The following RNLS variants were observed in gnomAD, a reference collection of about 807,000 sequenced individuals.
The protein encoded by RNLS is renalase, FAD dependent amine oxidase.
RNLS carries 39 observed loss-of-function variants against 39.8 expected under a neutral mutation model. That is an observed-to-expected ratio of 0.98 (90% CI 0.76 to 1.28). The LOEUF is 1.28. RNLS is among the 50% of genes most tolerant of loss of function. The probability of loss-of-function intolerance (pLI) is 0.00; values close to 1 mark genes in which losing one functional copy is unlikely to be tolerated. For synonymous variants in RNLS, 147 were observed against 150.7 expected (o/e 0.98, Z 0.18); for missense variants, 410 against 413.3 (o/e 0.99, Z 0.07).
the RNLS span, among the ~76,000 whole-genome samples, chr10:88,218,084 T>C: frequency 6.6e-6 from 1 of 152,224 alleles, no homozygotes; most frequent in East Asian, 1.9e-4. Context: ...CTCCCGATTT[T>C]CTGGTTTCTT....
chr10:88,438,645 A>T (rs1261842049), intron 4 of RNLS, among the ~76,000 whole-genome samples: 1 of 152,172 alleles, frequency 6.6e-6, no homozygotes, highest in Admixed American at 6.5e-5. Flanking sequence ...TGGGTGGGTG[A>T]TCTGAGTTTG....
rs114077138 is a variant in RNLS, at chr10:88,357,124, C to T, written c.700+5428G>A. On this transcript the variant is annotated intron_variant, in intron 5 of 6. Transcript: ENST00000331772. The stretch of plus-strand genomic sequence containing the variant: ...ACTGGAACTGTTAATTATAATAATA[C>T]GTACCATAAATACTTACTTTCTAAA... Among the ~76,000 whole-genome samples the T allele has an allele frequency of 5.0e-3, 757 of 152,274 alleles. 8 individuals are homozygous for T. The highest frequency in any genetic ancestry group is 0.017 in the African/African-American group (699 of 41,554).
chr10:88,255,335 T>C, the RNLS span, among the ~76,000 whole-genome samples: 1 of 152,230 alleles, frequency 6.6e-6, no homozygotes, highest in Non-Finnish European at 1.5e-5. Context: ...CCACAGTCTA[T>C]GGGCCTGTCT....
At chr10:88,499,851 T>A (rs186188113) in intron 4 of RNLS, among the ~76,000 whole-genome samples, 2 of 152,160 alleles carry the variant, frequency 1.3e-5, no homozygotes, top group Non-Finnish European at 2.9e-5. Context: ...GAAGTACATA[T>A]AAGAAATAGG....
At chr10:88,325,984 C>T (rs1410349429) in intron 5 of RNLS, among the ~76,000 whole-genome samples, 2 of 152,240 alleles carry the variant, frequency 1.3e-5, no homozygotes, top group Admixed American at 1.3e-4. Context: ...AAGGCCCAAG[C>T]TTGCTTCCTC....
intron 5 of RNLS, among the ~76,000 whole-genome samples, chr10:88,323,747 G>C (rs540649028): frequency 3.3e-5 from 5 of 152,088 alleles, no homozygotes; most frequent in South Asian, 2.1e-4. Flanking sequence ...AACAAAAACA[G>C]ACAAATGGGA....
At chr10:88,440,992 A>T (rs910134139) in intron 4 of RNLS, among the ~76,000 whole-genome samples, 8 of 152,208 alleles carry the variant, frequency 5.3e-5, no homozygotes, top group African/African-American at 1.9e-4. Flanking sequence ...ATTATAAATT[A>T]GCACAAAAAA....
At chr10:88,337,746 A>G (rs1235096649) in intron 5 of RNLS, among the ~76,000 whole-genome samples, 2 of 152,318 alleles carry the variant, frequency 1.3e-5, no homozygotes, top group Admixed American at 1.3e-4. Context: ...AGGAACAATA[A>G]TAAGTCTCCC....
intron 4 of RNLS, among the ~76,000 whole-genome samples, chr10:88,508,282 T>C (rs1242705593): frequency 6.6e-6 from 1 of 152,174 alleles, no homozygotes; most frequent in Admixed American, 6.6e-5. Flanking sequence ...TGTGTTTGAA[T>C]AACTCCATCA....
chr10:88,415,549 A>C (rs792215), intron 4 of RNLS, among the ~76,000 whole-genome samples: 104,693 of 151,996 alleles, frequency 0.69, 36,672 homozygotes, highest in African/African-American at 0.82. Context: ...TAGAAAAACT[A>C]AAAAAATAAA....
chr10:88,413,601 G>C lies in RNLS; in HGVS notation c.527-50876C>G, dbSNP rs555359919. ...ATGCTCGCTGTTCTATTTGTAGCTAGGTCCAAACTATTAAGCATCACTGAG... is the reference window on the plus strand; with the variant it reads ...ATGCTCGCTGTTCTATTTGTAGCTACGTCCAAACTATTAAGCATCACTGAG... On this transcript the variant is annotated intron_variant, in intron 4 of 6. Transcript: ENST00000331772. 1.1e-4 allele frequency among the ~76,000 whole-genome samples: 16 copies of C among 152,244 alleles called. No individual in the cohort carries two copies. The South Asian group carries it at 2.9e-3, about 28-fold the overall frequency.
At chr10:88,314,876 A>G (rs889782561) in intron 5 of RNLS, among the ~76,000 whole-genome samples, 3 of 152,214 alleles carry the variant, frequency 2.0e-5, no homozygotes, top group African/African-American at 7.2e-5. Context: ...AGATATTGCT[A>G]AAGAACTGGA....
intron 4 of RNLS, among the ~76,000 whole-genome samples, chr10:88,521,390 T>C (rs1386648427): frequency 1.3e-5 from 2 of 152,020 alleles, no homozygotes; most frequent in East Asian, 3.9e-4. Flanking sequence ...TGGTCTGAAA[T>C]GTTGGGACTT....
chr10:88,231,103 T>C, the RNLS span, among the ~76,000 whole-genome samples: 1 of 152,200 alleles, frequency 6.6e-6, no homozygotes, highest in Non-Finnish European at 1.5e-5. Flanking sequence ...ATTTTCTTTA[T>C]AGGGCTGAGC....
chr10:88,201,384 G>T, the RNLS span, among the ~76,000 whole-genome samples: 4 of 152,116 alleles, frequency 2.6e-5, no homozygotes, highest in Non-Finnish European at 5.9e-5. Flanking sequence ...CCAACCCTGG[G>T]CCTAGGCTTT....
chr10:88,539,429 T>G (rs187162335), intron 4 of RNLS, among the ~76,000 whole-genome samples: 2 of 152,226 alleles, frequency 1.3e-5, no homozygotes, highest in African/African-American at 4.8e-5. Flanking sequence ...GAATACAAAT[T>G]CGTCACACTT....
At chr10:88,256,720 A>G in the RNLS span, among the ~76,000 whole-genome samples, 4 of 152,286 alleles carry the variant, frequency 2.6e-5, no homozygotes, top group Middle Eastern at 6.8e-3. Context: ...GCACAAAGCC[A>G]CATTTTGGAG....
rs141813505 is a variant in RNLS at position 88,356,531 on chromosome 10, G to T, written c.700+6021C>A. ...CATATTATGTCCTTCTTTTTATAAA[G>T]AGTTGACGTAATAAATAGCCATATG... On this transcript the variant is annotated intron_variant, in intron 5 of 6. Transcript: ENST00000331772. 6.1e-3 allele frequency among the ~76,000 whole-genome samples: 923 copies of T among 152,272 alleles called. 7 individuals are homozygous for T. Among genetic ancestry groups the T allele is most frequent in the Non-Finnish European group, 7.6e-3 (520 of 68,022 alleles).
intron 4 of RNLS, among the ~76,000 whole-genome samples, chr10:88,555,151 T>C (rs1378301724): frequency 6.6e-6 from 1 of 151,716 alleles, no homozygotes; most frequent in Middle Eastern, 3.2e-3. Flanking sequence ...CTAAGAAAGC[T>C]CTTTAAGGAG....
Sources: gnomAD v4.1 joint callset for allele counts (sites outside exome capture counted in the v4.1 genomes callset) on GRCh38, gnomAD v4.1.1 for gene constraint, MANE v1.5 for transcripts, NCBI Gene and HGNC (gene_info 2026-07-23, HGNC 2026-07-21) for gene names.